USP42: variants seen among roughly 807,000 people sequenced by gnomAD.
The protein encoded by USP42 is ubiquitin specific peptidase 42, also known as ubiquitin carboxyl-terminal hydrolase 42.
A neutral mutation model predicts 113.0 loss-of-function variants in USP42; 23 were observed. That is an observed-to-expected ratio of 0.20 (90% CI 0.15 to 0.29). The LOEUF is 0.29. USP42 is among the 10% of genes least tolerant of loss of function. The pLI is 1.00. For synonymous variants in USP42, 933 were observed against 699.0 expected (o/e 1.33, Z -5.28); for missense variants, 2,174 against 1,779.8 (o/e 1.22, Z -3.99).
chr7:6,106,691 A>G (rs945134167), intron 1 of USP42, among the ~76,000 whole-genome samples: 4 of 151,770 alleles, frequency 2.6e-5, no homozygotes, highest in Non-Finnish European at 5.9e-5. Flanking sequence ...CAGCCTCCTA[A>G]GTAGGTAGGA....
chr7:6,154,451 C>G lies in USP42; in HGVS notation c.2897C>G (p.Ala966Gly), dbSNP rs771952489. 3 of 1,565,488 alleles carry G rather than the reference C, an allele frequency of 1.9e-6. No homozygotes were observed. In the South Asian group the frequency reaches 3.5e-5, roughly 18 times the overall value. Residue 966 changes from alanine to glycine, a missense_variant, in exon 15 of 18, where the codon GCC becomes GGC. Ala to Gly is a moderately conservative substitution (Grantham distance 60). Transcript: ENST00000306177. Reference sequence around the variant, plus strand: ...GAGCGCTCGTCCAGCGGGGAGCCCGCCAGAGAGAGCAGGAGCAAGACTGAG... The same window carrying G: ...GAGCGCTCGTCCAGCGGGGAGCCCGGCAGAGAGAGCAGGAGCAAGACTGAG... ...RRERSSSGEP[A>G]RESRSKTEGH...
chr7:6,102,185 G>A (rs1280937924), upstream of USP42, among the ~76,000 whole-genome samples: 2 of 142,718 alleles, frequency 1.4e-5, no homozygotes, highest in Admixed American at 7.0e-5. Context: ...TCGCGATCTC[G>A]GCTCACTGCA....
Position 6,149,762 on chromosome 7 carries a change from T to A in USP42, c.1566T>A (p.Ile522=). ...CAGAACATCCTAAGAAACAAAAAAT[T>A]ACAATCAGTATTCACAACAAGTTGC... ...VIPEHPKKQK[I]TISIHNKLPV... The change falls in exon 13 of 18, where the codon ATT becomes ATA. Residue 522 remains isoleucine, a synonymous_variant. Transcript: ENST00000306177. 4 of 1,613,970 alleles carry A rather than the reference T, an allele frequency of 2.5e-6. No individual in the cohort carries two copies. Among genetic ancestry groups the A allele is most frequent in the Non-Finnish European group, 3.4e-6 (4 of 1,179,884 alleles).
the USP42 span, among the ~76,000 whole-genome samples, chr7:6,099,505 T>C: frequency 6.7e-6 from 1 of 150,112 alleles, no homozygotes; most frequent in East Asian, 2.0e-4. Flanking sequence ...TGAGCCACTG[T>C]GCCTGGCCAA....
chr7:6,091,781 G>A, the USP42 span, among the ~76,000 whole-genome samples: 2 of 149,946 alleles, frequency 1.3e-5, no homozygotes, highest in Non-Finnish European at 2.9e-5. Flanking sequence ...GGATGGGGGT[G>A]CAAAGTGGGG....
intron 8 of USP42, among the ~76,000 whole-genome samples, chr7:6,143,499 C>T (rs1166973408): frequency 1.3e-5 from 2 of 152,136 alleles, no homozygotes; most frequent in African/African-American, 2.4e-5. Context: ...TATGTTTCCA[C>T]ATGAAGTCAA....
chr7:6,155,133 G>A lies in USP42; in HGVS notation c.3579G>A (p.Lys1193=). The change falls in exon 15 of 18, where the codon AAG becomes AAA. Residue 1193 remains lysine, a synonymous_variant. Transcript: ENST00000306177. The stretch of plus-strand genomic sequence containing the variant: ...ATCCTCTAGAAGAGCCTAAAGCAAA[G>A]AAGCACAAAAAATCAAAGAAGAAAA... ...QKDPLEEPKA[K]KHKKSKKKKK... The A allele has an allele frequency of 6.4e-7, 1 of 1,551,790 alleles. No individual in the cohort carries two copies. The highest frequency in any genetic ancestry group is 1.4e-5 in the African/African-American group (1 of 72,602).
intron 3 of USP42, among the ~76,000 whole-genome samples, chr7:6,126,529 C>G (rs1780554640): frequency 6.6e-6 from 1 of 152,234 alleles, no homozygotes. Flanking sequence ...TCGTGATCTG[C>G]CCGCCTCAGC....
intron 3 of USP42, among the ~76,000 whole-genome samples, chr7:6,135,602 GGGTCACACCACTGCACT>G (rs1781090240): frequency 7.0e-6 from 1 of 143,460 alleles, no homozygotes; most frequent in Non-Finnish European, 1.5e-5. Flanking sequence ...CAGTGAGCCA[GGGTCACACCACTGCACT>G]CCAGCCTGGG....
chr7:6,104,662 C>T (rs571998029), upstream of USP42, among the ~76,000 whole-genome samples: 4 of 152,268 alleles, frequency 2.6e-5, no homozygotes, highest in South Asian at 4.1e-4. Flanking sequence ...GCCCTTTCGC[C>T]GGCGCGCAGA....
chr7:6,117,709 G>T (rs4035512), intron 3 of USP42, among the ~76,000 whole-genome samples: 65,993 of 152,046 alleles, frequency 0.43, 18,030 homozygotes, highest in East Asian at 0.76. Flanking sequence ...ATACTTGGTG[G>T]GGTCAGTCTT....
chr7:6,100,620 G>T (rs1036599121), upstream of USP42, among the ~76,000 whole-genome samples: 10 of 150,180 alleles, frequency 6.7e-5, no homozygotes, highest in Non-Finnish European at 1.5e-4. Context: ...GGGAGCCACT[G>T]TGCCTGGCAC....
rs138655151 is a variant in USP42, at chr7:6,161,558, A to C, written c.*1040A>C. ...TTTCTATAGTATATAAATGGCAGCA[A>C]ATCACACACTTGGCGTCTTTTTACT... is the stretch of plus-strand genomic sequence containing the variant. On this transcript the variant is annotated 3_prime_UTR_variant, in exon 18 of 18. Coordinates refer to ENST00000306177, the MANE Select transcript of USP42 (RefSeq NM_032172.3). 67 of 152,748 alleles carry C rather than the reference A, an allele frequency of 4.4e-4. No homozygotes were observed. The highest frequency in any genetic ancestry group is 1.2e-4 in the Non-Finnish European group (8 of 68,026). The allele number at this position is 152,748 out of a possible 1,614,324, so 9.5% of individuals were successfully genotyped here. A position where few individuals can be genotyped will look rare whatever the true frequency, so the allele number is the denominator to read the frequency against.
rs749823473 is a variant in USP42 at position 6,154,201 on chromosome 7, G to A, written c.2647G>A (p.Ala883Thr). 1.1e-5 allele frequency: 17 copies of A among 1,605,330 alleles called. No individual in the cohort carries two copies. In the South Asian group the frequency reaches 1.8e-4, roughly 17 times the overall value. Residue 883 changes from alanine to threonine, a missense_variant, in exon 15 of 18, where the codon GCT becomes ACT. Physicochemically the swap from Ala to Thr is moderately conservative, Grantham distance 58 (BLOSUM62 0). Transcript: ENST00000306177. ...VHPSGDHARD[A>T]QDPSQSLGAP... ...CCCCAGCGGGGACCACGCCCGGGAC[G>A]CTCAGGACCCATCCCAGAGCTTGGG...
chr7:6,143,005 A>G lies in USP42; in HGVS notation c.869A>G (p.Lys290Arg). The change falls in exon 8 of 18, where the codon AAG becomes AGG. Residue 290 changes from lysine (K) to arginine (R), a missense_variant. Coordinates refer to ENST00000306177, the MANE Select transcript of USP42 (RefSeq NM_032172.3). ...CAGCTTGATGGAGAAAACTCGTACA[A>G]GTGCAGCAAGTACGTTGGGTGGTGA... is the stretch of plus-strand genomic sequence containing the variant. ...PEQLDGENSY[K>R]CSKCKKMVPA... 1 of 1,613,964 alleles carries G rather than the reference A, an allele frequency of 6.2e-7. No homozygotes were observed. The highest frequency in any genetic ancestry group is 8.5e-7 in the Non-Finnish European group (1 of 1,179,854).
rs767969992 is a variant in USP42 at position 6,135,918 on chromosome 7, A to C, written c.520A>C (p.Ile174Leu). The C allele has an allele frequency of 4.4e-6, 7 of 1,608,948 alleles. No homozygotes were observed. The highest frequency in any genetic ancestry group is 5.9e-6 in the Non-Finnish European group (7 of 1,177,562). Residue 174 changes from isoleucine (I) to leucine (L), a missense_variant, in exon 4 of 18, where the codon ATT becomes CTT. By Grantham distance (5) the Ile-to-Leu change is conservative. Coordinates refer to ENST00000306177, the MANE Select transcript of USP42 (RefSeq NM_032172.3). ...TQALSNPGDV[I>L]KPMFVINEMR... ...GGCACTCAGTAATCCTGGGGACGTT[A>C]TTAAACCAATGTTTGTCATCAATGA...
In USP42 at chr7:6,158,095, AC is replaced by A. The variant is rs1338451230; in HGVS notation, c.3943+1042del. 6.6e-6 allele frequency among the ~76,000 whole-genome samples: 1 copy of A among 152,176 alleles called. No homozygotes were observed. The highest frequency in any genetic ancestry group is 1.5e-5 in the Non-Finnish European group (1 of 68,030). On this transcript the variant is annotated intron_variant, in intron 16 of 17. Transcript: ENST00000306177. This position sits in a 1 kb window ranked among gnomAD's most constrained non-coding sequence, Gnocchi z 4.2. ...GAACTTGGAGTTAAGAATGGTTTTA[AC>A]CTTTTTAAGTGGTTGGAAATAATCC...
At chr7:6,127,544 T>C (rs1780606115) in intron 3 of USP42, among the ~76,000 whole-genome samples, 1 of 152,190 alleles carries the variant, frequency 6.6e-6, no homozygotes, top group African/African-American at 2.4e-5. Flanking sequence ...GCTGTCTTTG[T>C]TGAATTGCTT....
Position 6,154,211 on chromosome 7 carries a change from C to T in USP42, c.2657C>T (p.Pro886Leu). Residue 886 changes from proline (P) to leucine (L), a missense_variant, in exon 15 of 18, where the codon CCA (proline) becomes CTA (leucine). Pro to Leu is a moderately conservative substitution (Grantham distance 98). Coordinates refer to ENST00000306177, the MANE Select transcript of USP42 (RefSeq NM_032172.3). ...SGDHARDAQDPSQSLGAPEAA... is the reference protein window; with the variant it reads ...SGDHARDAQDLSQSLGAPEAA... ...GACCACGCCCGGGACGCTCAGGACC[C>T]ATCCCAGAGCTTGGGCGCACCCGAG... The T allele has an allele frequency of 3.1e-6, 5 of 1,606,648 alleles. No individual in the cohort carries two copies. Among genetic ancestry groups the T allele is most frequent in the Non-Finnish European group, 3.4e-6 (4 of 1,178,924 alleles).
Sources: allele counts gnomAD v4.1 joint callset (sites outside exome capture counted in the v4.1 genomes callset), GRCh38; gene constraint gnomAD v4.1.1; non-coding constraint Gnocchi (gnomAD v3.1); transcripts MANE v1.5; gene names NCBI Gene and HGNC (gene_info 2026-07-23, HGNC 2026-07-21).